Variants in NPR3 observed in about 807,000 individuals in gnomAD.
NPR3 encodes the protein atrial natriuretic peptide receptor 3.
Under a neutral mutation model 54.5 loss-of-function variants are expected in NPR3, and 34 were observed. The ratio of observed to expected loss-of-function variants is 0.62; its 90% CI spans 0.47 to 0.83. The LOEUF (loss-of-function observed/expected upper bound fraction) is 0.83, where lower values mean the gene tolerates loss of function less well. NPR3 is among the 40% of genes least tolerant of loss of function. NPR3 has a pLI of 0.00. For missense variants in NPR3, 674 were observed against 720.8 expected (o/e 0.94, Z 0.74); for synonymous variants, 289 against 297.1 (o/e 0.97, Z 0.28).
intron 1 of NPR3, among the ~76,000 whole-genome samples, chr5:32,697,431 C>T (rs1165092704): frequency 1.4e-5 from 2 of 147,006 alleles, no homozygotes; most frequent in Non-Finnish European, 3.0e-5. Context: ...AGATATTGGC[C>T]TGTAGTTTTC....
chr5:32,706,627 C>T (rs988285949), upstream of NPR3, among the ~76,000 whole-genome samples: 3 of 152,186 alleles, frequency 2.0e-5, no homozygotes, highest in African/African-American at 4.8e-5. Flanking sequence ...TTCCCCACCA[C>T]GACAATATTC....
intron 3 of NPR3, among the ~76,000 whole-genome samples, chr5:32,773,328 T>C (rs889420043): frequency 3.9e-5 from 6 of 152,218 alleles, no homozygotes; most frequent in Non-Finnish European, 8.8e-5. Flanking sequence ...ATAAATGTTA[T>C]AATGGGTTTA....
chr5:32,782,797 C>T, intron 5 of NPR3, 96 bp from the exon 6 acceptor site: 1 of 1,215,990 alleles, frequency 8.2e-7, no homozygotes. Context: ...CAGTTTAGAT[C>T]AGGCTGTACA....
chr5:32,781,297 T>A (rs192177343), intron 5 of NPR3, among the ~76,000 whole-genome samples: 479 of 152,306 alleles, frequency 3.1e-3, no homozygotes, highest in Middle Eastern at 0.027. Context: ...AACATGGAAA[T>A]CATCATGTCT....
intron 2 of NPR3, among the ~76,000 whole-genome samples, chr5:32,734,080 A>C (rs1464117533): frequency 6.6e-6 from 1 of 152,248 alleles, no homozygotes; most frequent in Non-Finnish European, 1.5e-5. Context: ...CAGGTCGAAC[A>C]GCCATATGGA....
intron 4 of NPR3, among the ~76,000 whole-genome samples, chr5:32,775,742 C>T (rs908818666): frequency 2.0e-5 from 3 of 152,004 alleles, no homozygotes; most frequent in Non-Finnish European, 2.9e-5. Flanking sequence ...GGATTACAAG[C>T]GTGTGCCATC....
intron 3 of NPR3, among the ~76,000 whole-genome samples, chr5:32,758,181 C>T (rs1740951883): frequency 6.6e-6 from 1 of 152,164 alleles, no homozygotes; most frequent in Admixed American, 6.5e-5. Flanking sequence ...GGAATGGTAC[C>T]AGTTCCTCCT....
At chr5:32,706,870 G>T (rs185341419), upstream of NPR3, among the ~76,000 whole-genome samples, 9 of 152,184 alleles carry the variant, frequency 5.9e-5, no homozygotes, top group African/African-American at 1.7e-4. Context: ...ACATGGTTGG[G>T]ATCACCACTC....
chr5:32,740,164 A>G (rs933433564), intron 3 of NPR3, among the ~76,000 whole-genome samples: 1 of 152,184 alleles, frequency 6.6e-6, no homozygotes, highest in African/African-American at 2.4e-5. Context: ...TAGTTTCTCT[A>G]CTTGAGGTAC....
chr5:32,722,494 G>A (rs1738916671), intron 1 of NPR3, among the ~76,000 whole-genome samples: 1 of 152,182 alleles, frequency 6.6e-6, no homozygotes. Flanking sequence ...TTAGGTTATT[G>A]GAAACTTGCC....
At chr5:32,738,477 C>T (rs913843653) in intron 2 of NPR3, among the ~76,000 whole-genome samples, 2 of 152,160 alleles carry the variant, frequency 1.3e-5, no homozygotes, top group Admixed American at 6.5e-5. Flanking sequence ...CCACACTAGC[C>T]ACTTGATTCA....
At position 32,786,737 on chromosome 5, in the gene NPR3, A is replaced by G. The variant is rs1272567307; in HGVS notation, c.*392A>G. 1 of 189,962 alleles carries G rather than the reference A, an allele frequency of 5.3e-6. No homozygotes were observed. The highest frequency in any genetic ancestry group is 1.1e-5 in the Non-Finnish European group (1 of 95,022). 11.8% of individuals were successfully genotyped at this position (189,962 alleles called of 1,614,324 possible). The stretch of plus-strand genomic sequence containing the variant: ...TAGCTAGAATAAAATCATTTTTACA[A>G]GTACAGCATTCTTGGAAAGAATTTA... On this transcript the variant is annotated 3_prime_UTR_variant, in exon 8 of 8. Transcript: ENST00000265074.
intron 3 of NPR3, among the ~76,000 whole-genome samples, chr5:32,744,038 G>C (rs939134892): frequency 4.3e-5 from 6 of 140,934 alleles, no homozygotes; most frequent in Non-Finnish European, 7.5e-5. Context: ...CTGTCGCCAG[G>C]CTGGAATGCA....
chr5:32,698,509 G>A (rs1169173969), intron 1 of NPR3, among the ~76,000 whole-genome samples: 1 of 152,048 alleles, frequency 6.6e-6, no homozygotes, highest in South Asian at 2.1e-4. Flanking sequence ...TATAATGCAG[G>A]TTAAGTTCAA....
At chr5:32,730,506 A>G (rs1415589477) in intron 2 of NPR3, among the ~76,000 whole-genome samples, 1 of 152,206 alleles carries the variant, frequency 6.6e-6, no homozygotes, top group Non-Finnish European at 1.5e-5. Context: ...AATAAAAAGC[A>G]TACAGTTTGG....
At chr5:32,732,060 T>G (rs969760427) in intron 2 of NPR3, among the ~76,000 whole-genome samples, 1 of 151,206 alleles carries the variant, frequency 6.6e-6, no homozygotes, top group South Asian at 2.1e-4. Flanking sequence ...GCTAACAAGG[T>G]GAAACCCCGT....
At chr5:32,729,012 G>GTTT (rs1444624207) in intron 2 of NPR3, among the ~76,000 whole-genome samples, 7 of 127,732 alleles carry the variant, frequency 5.5e-5, no homozygotes, top group Admixed American at 2.5e-4. Context: ...GTGTGCCTGT[G>GTTT]TGTTTTTTTT....
chr5:32,712,573 G>T (rs760805999), intron 1 of NPR3, 28 bp downstream of exon 1: 46 of 1,498,148 alleles, frequency 3.1e-5, no homozygotes, highest in Non-Finnish European at 4.0e-5. Context: ...CCGGGCCCCG[G>T]GCCCTAACCC....
chr5:32,740,784 G>A (rs1284556452), intron 3 of NPR3, among the ~76,000 whole-genome samples: 1 of 152,068 alleles, frequency 6.6e-6, no homozygotes, highest in East Asian at 1.9e-4. Flanking sequence ...GGCCTTGTTC[G>A]AGTGCTCAAT....
Sources: allele counts gnomAD v4.1 joint callset (sites outside exome capture counted in the v4.1 genomes callset), GRCh38; gene constraint gnomAD v4.1.1; transcripts MANE v1.5; gene names NCBI Gene and HGNC (gene_info 2026-07-23, HGNC 2026-07-21).